Variants in CASZ1 observed in about 807,000 individuals in gnomAD.
CASZ1 encodes the protein zinc finger protein castor homolog 1.
CASZ1 carries 28 observed loss-of-function variants against 135.2 expected under a neutral mutation model. The observed-to-expected ratio is 0.21, with a 90% CI of 0.15 to 0.28. The LOEUF (loss-of-function observed/expected upper bound fraction) is 0.28, where lower values mean the gene tolerates loss of function less well. Ranked by LOEUF, CASZ1 falls within the 10% of genes least tolerant of loss-of-function variation. The probability of loss-of-function intolerance (pLI) is 1.00; values close to 1 mark genes in which losing one functional copy is unlikely to be tolerated. For missense variants in CASZ1, 2,161 were observed against 2,453.3 expected (o/e 0.88, Z 2.52); for synonymous variants, 1,068 against 1,073.4 (o/e 0.99, Z 0.10).
At position 10,701,492 on chromosome 1, in the gene CASZ1, C is replaced by T. The variant is rs1401556927; in HGVS notation, c.-24+4000G>A. On this transcript the variant is annotated intron_variant, in intron 3 of 20. Transcript: ENST00000377022. The surrounding 1 kb of genome is among the most constrained non-coding windows in gnomAD (Gnocchi z 6.3). ...GAAGGACTTAGGTCCAGCCCCCTCTCGCCAAAGCTCGCCCTTCAGAGTGAT... is the reference window on the plus strand; with the variant it reads ...GAAGGACTTAGGTCCAGCCCCCTCTTGCCAAAGCTCGCCCTTCAGAGTGAT... Among the ~76,000 whole-genome samples the T allele has an allele frequency of 6.6e-6, 1 of 152,164 alleles. No individual in the cohort carries two copies. Among genetic ancestry groups the T allele is most frequent in the Non-Finnish European group, 1.5e-5 (1 of 68,030 alleles).
chr1:10,685,958 C>G (rs554802050), intron 4 of CASZ1, among the ~76,000 whole-genome samples: 1 of 152,354 alleles, frequency 6.6e-6, no homozygotes, highest in East Asian at 1.9e-4. Flanking sequence ...AGGGAGCCCA[C>G]AGGGGCAGCT....
rs911452707 is a variant in CASZ1, at chr1:10,719,053, C to T, written c.-76-13509G>A. 2.6e-5 allele frequency among the ~76,000 whole-genome samples: 4 copies of T among 152,094 alleles called. No individual in the cohort carries two copies. Among genetic ancestry groups the T allele is most frequent in the Non-Finnish European group, 4.4e-5 (3 of 68,004 alleles). On this transcript the variant is annotated intron_variant, in intron 2 of 20. Coordinates refer to ENST00000377022, the MANE Select transcript of CASZ1 (RefSeq NM_001079843.3). The surrounding 1 kb of genome is among the most constrained non-coding windows in gnomAD (Gnocchi z 4.0). ...TCAGCCTCCCGAGTAACTGGGATTA[C>T]AGGCACTCGCCACCACACCTGGCTA...
At chr1:10,737,989 C>T (rs528368605) in intron 2 of CASZ1, among the ~76,000 whole-genome samples, 4 of 152,332 alleles carry the variant, frequency 2.6e-5, no homozygotes, top group African/African-American at 9.6e-5. Flanking sequence ...AGTCACTCAA[C>T]ACCCACAATG....
rs1640674034 is a variant in CASZ1 at position 10,777,006 on chromosome 1, C to T, written c.-233-16149G>A. On this transcript the variant is annotated intron_variant, in intron 1 of 20. Coordinates refer to ENST00000377022, the MANE Select transcript of CASZ1 (RefSeq NM_001079843.3). The surrounding 1 kb of genome is among the most constrained non-coding windows in gnomAD (Gnocchi z 4.4). ...CCATGTCTGGAACCGGCCAGCCTCA[C>T]CCTGAGCCAGTGGGGAAGATGACCG... is the stretch of plus-strand genomic sequence containing the variant. Among the ~76,000 whole-genome samples the T allele has an allele frequency of 6.6e-6, 1 of 152,192 alleles. No individual in the cohort carries two copies. Among genetic ancestry groups the T allele is most frequent in the African/African-American group, 2.4e-5 (1 of 41,442 alleles).
chr1:10,682,360 G>C (rs1638452841), intron 4 of CASZ1, among the ~76,000 whole-genome samples: 1 of 152,086 alleles, frequency 6.6e-6, no homozygotes, highest in African/African-American at 2.4e-5. Context: ...GTTGTACTCA[G>C]CCCTGCAGAG....
chr1:10,637,060 G>A lies in CASZ1; in HGVS notation c.*1882C>T, dbSNP rs1642016469. 1 of 151,766 alleles carries A rather than the reference G, an allele frequency of 6.6e-6. No individual in the cohort carries two copies. The highest frequency in any genetic ancestry group is 1.5e-5 in the Non-Finnish European group (1 of 67,978). The allele number at this position is 151,766 out of a possible 1,614,324, so 9.4% of individuals were successfully genotyped here. A position where few individuals can be genotyped will look rare whatever the true frequency, so the allele number is the denominator to read the frequency against. On this transcript the variant is annotated 3_prime_UTR_variant, in exon 21 of 21. Coordinates refer to ENST00000377022, the MANE Select transcript of CASZ1 (RefSeq NM_001079843.3). ...GCTAGCAATGGCTTATAGTCCTAGT[G>A]TGCAATATGAAGTTTACAAAAGGCT...
In CASZ1 at chr1:10,735,064, T is replaced by C. The variant is rs927613706; in HGVS notation, c.-77+25637A>G. On this transcript the variant is annotated intron_variant, in intron 2 of 20. Coordinates refer to ENST00000377022, the MANE Select transcript of CASZ1 (RefSeq NM_001079843.3). The surrounding 1 kb of genome is among the most constrained non-coding windows in gnomAD (Gnocchi z 5.1). Reference sequence around the variant, plus strand: ...GGACGCAAGGGAGCTTCTACCCCATTGCAGTTGCACAAAAGAAATTGAACA... The same window carrying C: ...GGACGCAAGGGAGCTTCTACCCCATCGCAGTTGCACAAAAGAAATTGAACA... 1.3e-5 allele frequency among the ~76,000 whole-genome samples: 2 copies of C among 152,146 alleles called. No homozygotes were observed. The highest frequency in any genetic ancestry group is 4.1e-4 in the South Asian group (2 of 4,830).
chr1:10,695,242 C>T (rs1266448970), intron 3 of CASZ1, among the ~76,000 whole-genome samples: 1 of 151,950 alleles, frequency 6.6e-6, no homozygotes. Flanking sequence ...GGCCCTGGGC[C>T]CCAGGAGCGC....
intron 1 of CASZ1, among the ~76,000 whole-genome samples, chr1:10,787,605 C>T (rs1396302484): frequency 3.3e-5 from 5 of 152,090 alleles, no homozygotes; most frequent in African/African-American, 1.2e-4. Flanking sequence ...CCTGGCAGAG[C>T]TCATTCCCCC....
chr1:10,716,930 G>C (rs1185964227), intron 2 of CASZ1, among the ~76,000 whole-genome samples: 3 of 152,174 alleles, frequency 2.0e-5, no homozygotes, highest in African/African-American at 7.2e-5. Flanking sequence ...CTCTCTCCCT[G>C]GCAGTCTCTT....
chr1:10,670,592 A>G (rs111777740), intron 4 of CASZ1, among the ~76,000 whole-genome samples: 1 of 152,194 alleles, frequency 6.6e-6, no homozygotes, highest in Non-Finnish European at 1.5e-5. Context: ...TCAGGCTATG[A>G]TGTGGGCACA....
rs1307879775 is a variant in CASZ1 at position 10,721,815 on chromosome 1, C to A, written c.-76-16271G>T. Among the ~76,000 whole-genome samples, 2 of 151,254 alleles carry A rather than the reference C, an allele frequency of 1.3e-5. No individual in the cohort carries two copies. Among genetic ancestry groups the A allele is most frequent in the Non-Finnish European group, 3.0e-5 (2 of 67,292 alleles). On this transcript the variant is annotated intron_variant, in intron 2 of 20. Coordinates refer to ENST00000377022, the MANE Select transcript of CASZ1 (RefSeq NM_001079843.3). This position sits in a 1 kb window ranked among gnomAD's most constrained non-coding sequence, Gnocchi z 5.4. ...GTCTCTGGGTCGTGGTGGAGGCCAA[C>A]TGCCTTTTTGCTGCCTGACCTGCCT... is the stretch of plus-strand genomic sequence containing the variant.
In CASZ1 at chr1:10,727,639, C is replaced by T. The variant is rs1379471374; in HGVS notation, c.-76-22095G>A. 6.6e-6 allele frequency among the ~76,000 whole-genome samples: 1 copy of T among 152,208 alleles called. No individual in the cohort carries two copies. Among genetic ancestry groups the T allele is most frequent in the Non-Finnish European group, 1.5e-5 (1 of 68,024 alleles). Reference sequence around the variant, plus strand: ...AAGGTGCCAGGAGTTACAATAGGAACTTCTGCCTTCCCACCATGTCCAGGA... The same window carrying T: ...AAGGTGCCAGGAGTTACAATAGGAATTTCTGCCTTCCCACCATGTCCAGGA... On this transcript the variant is annotated intron_variant, in intron 2 of 20. Transcript: ENST00000377022. The surrounding 1 kb of genome is among the most constrained non-coding windows in gnomAD (Gnocchi z 5.3).
intron 18 of CASZ1, 70 bp from the exon 19 acceptor site, chr1:10,643,381 G>A (rs1047483937): frequency 1.3e-6 from 2 of 1,546,140 alleles, no homozygotes; most frequent in Admixed American, 1.8e-5. Flanking sequence ...GTCCTGTTGG[G>A]CACTGTTCTG....
intron 18 of CASZ1, 129 bp from the exon 19 acceptor site, chr1:10,643,440 G>T: frequency 9.8e-7 from 1 of 1,018,700 alleles, no homozygotes; most frequent in Non-Finnish European, 1.4e-6. Flanking sequence ...TGGGGAAAGG[G>T]CGCTGAGCCG....
At chr1:10,648,498 T>G in intron 15 of CASZ1, 1 of 238,342 alleles carries the variant, frequency 4.2e-6, no homozygotes, top group Non-Finnish European at 8.2e-6. Context: ...CACAGCAGGC[T>G]TCCCCGCGGG....
rs1434949090 is a variant in CASZ1, at chr1:10,679,309, C to T, written c.17-13738G>A. Among the ~76,000 whole-genome samples, 4 of 152,312 alleles carry T rather than the reference C, an allele frequency of 2.6e-5. No homozygotes were observed. The highest frequency in any genetic ancestry group is 5.9e-5 in the Non-Finnish European group (4 of 68,012). On this transcript the variant is annotated intron_variant, in intron 4 of 20. Coordinates refer to ENST00000377022, the MANE Select transcript of CASZ1 (RefSeq NM_001079843.3). The surrounding 1 kb of genome is among the most constrained non-coding windows in gnomAD (Gnocchi z 4.7). ...GCAGACAGGTCTCCTGGGCCATCTG[C>T]ACCACATGCCCCAGGAAGCGGTCCC... is the stretch of plus-strand genomic sequence containing the variant.
Position 10,693,941 on chromosome 1 carries a change from G to A in CASZ1, c.-23-29C>T, listed in dbSNP as rs370880244. 3 of 1,607,402 alleles carry A rather than the reference G, an allele frequency of 1.9e-6. No individual in the cohort carries two copies. The Admixed American group carries it at 5.0e-5, about 27-fold the overall frequency. ...CGCAGAACGCCACCAGGGGAAGACCGGGAGAGAAGAAACACGGGGTTAGCG... is the reference window on the plus strand; with the variant it reads ...CGCAGAACGCCACCAGGGGAAGACCAGGAGAGAAGAAACACGGGGTTAGCG... On this transcript the variant is annotated intron_variant, in intron 3 of 20. Coordinates refer to ENST00000377022, the MANE Select transcript of CASZ1 (RefSeq NM_001079843.3).
intron 2 of CASZ1, among the ~76,000 whole-genome samples, chr1:10,714,498 T>A (rs888164220): frequency 1.3e-5 from 2 of 152,146 alleles, no homozygotes; most frequent in Non-Finnish European, 2.9e-5. Flanking sequence ...CTCCCAGTGC[T>A]CCTGGCTCCG....
Sources: gnomAD v4.1 joint callset for allele counts (sites outside exome capture counted in the v4.1 genomes callset) on GRCh38, gnomAD v4.1.1 for gene constraint, Gnocchi (gnomAD v3.1) non-coding constraint, MANE v1.5 for transcripts, NCBI Gene and HGNC (gene_info 2026-07-23, HGNC 2026-07-21) for gene names.